ABCC1: variants seen among roughly 807,000 people sequenced by gnomAD.
The protein encoded by ABCC1 is multidrug resistance-associated protein 1.
A neutral mutation model predicts 172.9 loss-of-function variants in ABCC1; 83 were observed. The ratio of observed to expected loss-of-function variants is 0.48; its 90% CI spans 0.40 to 0.58. The LOEUF (loss-of-function observed/expected upper bound fraction) is 0.58, where lower values mean the gene tolerates loss of function less well. ABCC1 is among the 20% of genes least tolerant of loss of function. ABCC1 has a pLI of 0.00. For missense variants in ABCC1, 1,817 were observed against 2,002.7 expected (o/e 0.91, Z 1.77); for synonymous variants, 937 against 825.2 (o/e 1.14, Z -2.32).
chr16:16,138,606 C>G, intron 30 of ABCC1, 48 bp downstream of exon 30: 1 of 1,407,828 alleles, frequency 7.1e-7, no homozygotes, highest in Non-Finnish European at 9.5e-7. Context: ...GTTTGCCTTA[C>G]TCACTGGCTC....
chr16:16,090,764 A>G (rs569377682), intron 19 of ABCC1, among the ~76,000 whole-genome samples, 176 bp downstream of exon 19: 53 of 152,034 alleles, frequency 3.5e-4, no homozygotes, highest in African/African-American at 9.4e-4. Context: ...TAGTCCCTGC[A>G]GCGCTGAACT....
rs1252198195 is a variant in ABCC1, at chr16:15,998,279, C to T, written c.49-9537C>T. 2.0e-5 allele frequency among the ~76,000 whole-genome samples: 3 copies of T among 152,228 alleles called. No homozygotes were observed. In the East Asian group the frequency reaches 5.8e-4, roughly 29 times the overall value. On this transcript the variant is annotated intron_variant, in intron 1 of 30. Transcript: ENST00000399410. ...AGGTGGGACTACAGGCCTGCACTAC[C>T]ACGCCTGGATAATTTTTAAATTTTT...
At chr16:16,114,530 G>A (rs539729498) in intron 22 of ABCC1, among the ~76,000 whole-genome samples, 1 of 152,010 alleles carries the variant, frequency 6.6e-6, no homozygotes, top group African/African-American at 2.4e-5. Flanking sequence ...TAGGAGAGAC[G>A]GAGTTTCACT....
chr16:16,058,282 T>G (rs1161307939), intron 12 of ABCC1, among the ~76,000 whole-genome samples: 1 of 152,226 alleles, frequency 6.6e-6, no homozygotes, highest in East Asian at 1.9e-4. Context: ...TGCCCCATGT[T>G]TGTTTTTTCT....
chr16:16,077,420 T>A (rs966529970), intron 15 of ABCC1, among the ~76,000 whole-genome samples: 13 of 152,212 alleles, frequency 8.5e-5, no homozygotes, highest in African/African-American at 3.1e-4. Context: ...CTAATCTGTA[T>A]CTGTGTCCCT....
intron 1 of ABCC1, among the ~76,000 whole-genome samples, chr16:15,953,652 A>T (rs909839631): frequency 3.9e-5 from 6 of 152,026 alleles, no homozygotes; most frequent in African/African-American, 1.5e-4. Flanking sequence ...TTGCTGTTGC[A>T]CCAACTGCCA....
At chr16:16,105,319 C>G (rs1443107600) in intron 20 of ABCC1, 1 of 152,302 alleles carries the variant, frequency 6.6e-6, no homozygotes, top group African/African-American at 2.4e-5. Flanking sequence ...CCCCAGCTCC[C>G]CATTTGAATT....
intron 5 of ABCC1, among the ~76,000 whole-genome samples, chr16:16,023,160 C>T (rs909615971): frequency 6.6e-6 from 1 of 152,192 alleles, no homozygotes; most frequent in African/African-American, 2.4e-5. Context: ...GCCATCCTCC[C>T]ACCTCAGCCT....
chr16:16,057,535 TA>T (rs11399369), intron 12 of ABCC1, among the ~76,000 whole-genome samples: 3,976 of 145,170 alleles, frequency 0.027, 101 homozygotes, highest in African/African-American at 0.074. Flanking sequence ...TCATCCATTG[TA>T]AAAAAAAAAA....
intron 6 of ABCC1, among the ~76,000 whole-genome samples, chr16:16,034,595 T>C: frequency 1.4e-5 from 2 of 143,696 alleles, no homozygotes; most frequent in Admixed American, 6.9e-5. Flanking sequence ...TTTTTTTTTT[T>C]TTTTTTTTTT....
chr16:15,952,660 G>A (rs1442942276), intron 1 of ABCC1, among the ~76,000 whole-genome samples: 1 of 142,866 alleles, frequency 7.0e-6, no homozygotes, highest in East Asian at 2.1e-4. Context: ...GCTGCTTTGT[G>A]GTTGATATTG....
chr16:16,088,287 A>G (rs1211521372), intron 18 of ABCC1, among the ~76,000 whole-genome samples: 1 of 152,040 alleles, frequency 6.6e-6, no homozygotes, highest in Non-Finnish European at 1.5e-5. Context: ...TCTACTAAAA[A>G]TACAAAAATC....
chr16:15,949,764 G>A lies in ABCC1; in HGVS notation c.13G>A (p.Gly5Ser). 4 of 1,193,894 alleles carry A rather than the reference G, an allele frequency of 3.4e-6. No homozygotes were observed. Among genetic ancestry groups the A allele is most frequent in the Non-Finnish European group, 4.2e-6 (4 of 962,816 alleles). The allele number at this position is 1,193,894 out of a possible 1,614,324, so 74.0% of individuals were successfully genotyped here. Residue 5 changes from glycine (G) to serine (S), a missense_variant, in exon 1 of 31, where the codon GGC (glycine) becomes AGC (serine). This residue lies in a region of ABCC1 where 398 missense variants were observed against 384.2 expected (regional missense o/e 1.04). Transcript: ENST00000399410. MALR[G>S]FCSADGSDPL... is the part of the protein sequence containing the mutation. ...CCGCGCCACCGGCATGGCGCTCCGG[G>A]GCTTCTGCAGCGCCGATGGCTCCGA...
At chr16:15,976,160 G>A (rs762772406) in intron 1 of ABCC1, among the ~76,000 whole-genome samples, 2 of 152,054 alleles carry the variant, frequency 1.3e-5, no homozygotes, top group African/African-American at 4.8e-5. Context: ...CCAGCTACTC[G>A]GGAGGCTGAG....
At chr16:16,016,020 G>C (rs1429732582) in intron 4 of ABCC1, among the ~76,000 whole-genome samples, 1 of 152,160 alleles carries the variant, frequency 6.6e-6, no homozygotes. Flanking sequence ...GCGGTGAGCA[G>C]TGAGACTACC....
At chr16:15,959,017 G>A (rs2046069304) in intron 1 of ABCC1, among the ~76,000 whole-genome samples, 1 of 152,302 alleles carries the variant, frequency 6.6e-6, no homozygotes, top group Admixed American at 6.5e-5. Context: ...TCCCTGGGGT[G>A]TGAAATCACA....
In ABCC1 at chr16:15,984,734, G is replaced by A. The variant is rs967097445; in HGVS notation, c.49-23082G>A. 5.3e-5 allele frequency among the ~76,000 whole-genome samples: 8 copies of A among 152,036 alleles called. No individual in the cohort carries two copies. The East Asian group carries it at 5.8e-4, about 11-fold the overall frequency. On this transcript the variant is annotated intron_variant, in intron 1 of 30. Transcript: ENST00000399410. ...GCTGAGATTACAGGCTTGAGCCACCGCGCCCGGCCTATATATGTATTATAT... is the reference window on the plus strand; with the variant it reads ...GCTGAGATTACAGGCTTGAGCCACCACGCCCGGCCTATATATGTATTATAT...
rs1461895314 is a variant in ABCC1, at chr16:16,122,110, C to A, written c.3526C>A (p.His1176Asn). 1.2e-6 allele frequency: 2 copies of A among 1,614,068 alleles called. No homozygotes were observed. Among genetic ancestry groups the A allele is most frequent in the African/African-American group, 2.7e-5 (2 of 74,910 alleles). ...RAFEEQERFI[H>N]QSDLKVDENQ... The stretch of plus-strand genomic sequence containing the variant: ...CTTCGAGGAGCAGGAGCGCTTCATC[C>A]ACCAGAGTGACCTGAAGGTGGACGA... Residue 1176 changes from histidine to asparagine, a missense_variant, in exon 24 of 31, where the codon CAC becomes AAC. Physicochemically the swap from His to Asn is moderately conservative, Grantham distance 68 (BLOSUM62 1). Transcript: ENST00000399410.
chr16:16,099,944 G>C (rs1455252771), intron 19 of ABCC1, among the ~76,000 whole-genome samples: 1 of 152,154 alleles, frequency 6.6e-6, no homozygotes, highest in Non-Finnish European at 1.5e-5. Flanking sequence ...GAATTAGCCA[G>C]GCACGGTGGT....
Sources: allele counts gnomAD v4.1 joint callset (sites outside exome capture counted in the v4.1 genomes callset), GRCh38; gene constraint gnomAD v4.1.1; regional missense constraint gnomAD v4.1.1; transcripts MANE v1.5; gene names NCBI Gene and HGNC (gene_info 2026-07-23, HGNC 2026-07-21).